The following ADAMTSL1 variants were observed in gnomAD, a reference collection of about 807,000 sequenced individuals.
The protein encoded by ADAMTSL1 is ADAMTS like 1, also known as ADAMTS-like protein 1.
In ADAMTSL1, 126 loss-of-function variants were observed where a neutral mutation model predicts 201.8. The ratio of observed to expected loss-of-function variants is 0.62; its 90% confidence interval spans 0.54 to 0.72. ADAMTSL1 has a LOEUF of 0.72. ADAMTSL1 is among the 30% of genes least tolerant of loss of function. ADAMTSL1 has a pLI of 0.00. For missense variants in ADAMTSL1, 2,679 were observed against 2,277.8 expected (o/e 1.18, Z -3.59); for synonymous variants, 1,121 against 903.4 (o/e 1.24, Z -4.32).
At chr9:18,023,242 A>C (rs1033822195) in intron 1 of ADAMTSL1, among the ~76,000 whole-genome samples, 1 of 152,088 alleles carries the variant, frequency 6.6e-6, no homozygotes, top group Non-Finnish European at 1.5e-5. Context: ...CTTAAAACAC[A>C]GATTGCTGGG....
At position 18,887,841 on chromosome 9, in the gene ADAMTSL1, C is replaced by T. The variant is rs375192155; in HGVS notation, c.4260C>T (p.Ile1420=). 1.7e-5 allele frequency: 27 copies of T among 1,613,674 alleles called. No individual in the cohort carries two copies. The highest frequency in any genetic ancestry group is 2.3e-5 in the Non-Finnish European group (27 of 1,179,818). ...TTCCTCTCCTTCTAGGCTGCCCCAT[C>T]AAAGGTCACCCTGTCCCTAATATCA... The part of the protein sequence containing the change: ...PGNSALLGCP[I]KGHPVPNITW... The change falls in exon 24 of 29, where the codon ATC becomes ATT. Residue 1420 remains isoleucine, a synonymous_variant. Transcript: ENST00000380548.
intron 1 of ADAMTSL1, among the ~76,000 whole-genome samples, chr9:18,494,270 C>A (rs1481442731): frequency 1.3e-5 from 2 of 151,290 alleles, no homozygotes; most frequent in Admixed American, 6.6e-5. Context: ...ACAGGCGAAT[C>A]GCTTGAACCC....
At chr9:17,913,779 A>G (rs950712277) in intron 1 of ADAMTSL1, among the ~76,000 whole-genome samples, 1 of 148,772 alleles carries the variant, frequency 6.7e-6, no homozygotes, top group Non-Finnish European at 1.5e-5. Context: ...CGCTAGCGAG[A>G]CTAATAAAGA....
At chr9:18,878,284 ACC>A (rs1454558848) in intron 23 of ADAMTSL1, among the ~76,000 whole-genome samples, 3 of 151,784 alleles carry the variant, frequency 2.0e-5, no homozygotes, top group African/African-American at 4.8e-5. Flanking sequence ...CTCCCTGTTA[ACC>A]CCCCTCCCCA....
intron 2 of ADAMTSL1, among the ~76,000 whole-genome samples, chr9:18,231,738 A>G (rs1361656501): frequency 2.0e-5 from 3 of 152,140 alleles, no homozygotes; most frequent in Non-Finnish European, 4.4e-5. Context: ...CGTGAGATAA[A>G]CTCTGGATCT....
chr9:18,435,447 A>G (rs1275438508), intron 2 of ADAMTSL1, among the ~76,000 whole-genome samples: 1 of 152,190 alleles, frequency 6.6e-6, no homozygotes, highest in Non-Finnish European at 1.5e-5. Flanking sequence ...ACTCACACAA[A>G]TATGTAACTG....
chr9:18,254,106 C>T (rs1831574678), intron 2 of ADAMTSL1, among the ~76,000 whole-genome samples: 1 of 152,092 alleles, frequency 6.6e-6, no homozygotes, highest in African/African-American at 2.4e-5. Context: ...TGAATTTTAC[C>T]TGAGCCACCC....
chr9:18,903,768 C>T (rs1830137653), intron 26 of ADAMTSL1, among the ~76,000 whole-genome samples: 1 of 151,894 alleles, frequency 6.6e-6, no homozygotes, highest in Non-Finnish European at 1.5e-5. Context: ...AAACTCAAGT[C>T]CTGCAGTCAA....
At chr9:18,066,828 TC>T (rs1160190459) in intron 1 of ADAMTSL1, among the ~76,000 whole-genome samples, 4 of 152,174 alleles carry the variant, frequency 2.6e-5, no homozygotes, top group Admixed American at 6.5e-5. Context: ...TGAGTTCATG[TC>T]CTTTGGAGAG....
At position 18,906,772 on chromosome 9, in the gene ADAMTSL1, C is replaced by T. The variant is rs1830332676; in HGVS notation, c.5042C>T (p.Thr1681Ile). The T allele has an allele frequency of 6.2e-7, 1 of 1,613,874 alleles. No individual in the cohort carries two copies. The highest frequency in any genetic ancestry group is 1.1e-5 in the South Asian group (1 of 91,086). ...AGCCTGTGGACCCTGTGCACAGCTA[C>T]CTGTGGCAACTACGGCTTCCAGTCC... ...RVSLWTLCTA[T>I]CGNYGFQSRR... The change falls in exon 28 of 29, where the codon ACC (threonine) becomes ATC (isoleucine). Residue 1681 changes from threonine to isoleucine, a missense_variant. Transcript: ENST00000380548.
chr9:17,950,091 TG>T (rs774106369), intron 1 of ADAMTSL1, among the ~76,000 whole-genome samples: 10 of 152,126 alleles, frequency 6.6e-5, no homozygotes, highest in Non-Finnish European at 1.2e-4. Flanking sequence ...GCTTATTTTT[TG>T]TATTTTAAGT....
intron 2 of ADAMTSL1, among the ~76,000 whole-genome samples, chr9:18,269,133 A>T (rs1563847157): frequency 6.6e-6 from 1 of 152,150 alleles, no homozygotes. Context: ...ATGATAAATA[A>T]TCCTTATGCT....
chr9:18,378,579 G>A (rs1290125642), intron 2 of ADAMTSL1, among the ~76,000 whole-genome samples: 1 of 152,072 alleles, frequency 6.6e-6, no homozygotes, highest in Non-Finnish European at 1.5e-5. Flanking sequence ...TAATTCCCCT[G>A]GCAATATCCC....
chr9:18,445,114 A>G (rs1820138568), intron 2 of ADAMTSL1, among the ~76,000 whole-genome samples: 1 of 152,172 alleles, frequency 6.6e-6, no homozygotes, highest in South Asian at 2.1e-4. Flanking sequence ...AAATGTACAC[A>G]TTAACTTACC....
At chr9:18,639,135 G>T (rs1827284343) in intron 6 of ADAMTSL1, 119 bp from the exon 7 acceptor site, 2 of 918,010 alleles carry the variant, frequency 2.2e-6, no homozygotes, top group African/African-American at 3.4e-5. Flanking sequence ...AATTTTGTCA[G>T]CTATATAAAG....
chr9:18,688,355 T>C (rs1053143790), intron 13 of ADAMTSL1, among the ~76,000 whole-genome samples: 44 of 151,572 alleles, frequency 2.9e-4, no homozygotes, highest in Admixed American at 1.9e-3. Flanking sequence ...TTTGAACTCC[T>C]GACCTCAGGT....
At chr9:18,648,225 T>C (rs200402977) in intron 7 of ADAMTSL1, among the ~76,000 whole-genome samples, 9,629 of 136,828 alleles carry the variant, frequency 0.07, 564 homozygotes, top group Admixed American at 0.11. Context: ...CCTTTTTTTG[T>C]TTTCCATTTG....
At chr9:18,429,263 T>G (rs1819374274) in intron 2 of ADAMTSL1, among the ~76,000 whole-genome samples, 1 of 152,222 alleles carries the variant, frequency 6.6e-6, no homozygotes, top group African/African-American at 2.4e-5. Flanking sequence ...TTAGTCAATC[T>G]GAATATGACT....
chr9:18,775,904 TG>T lies in ADAMTSL1; in HGVS notation c.2551+9del. 1 of 1,585,912 alleles carries T rather than the reference TG, an allele frequency of 6.3e-7. No homozygotes were observed. The highest frequency in any genetic ancestry group is 8.6e-7 in the Non-Finnish European group (1 of 1,165,084). Reference sequence around the variant, plus strand: ...TGCTGGCAACCTGTGCAAGTAAGTATGTCAGGGCTCTGGGAATGGGGAGATG... The same window carrying T: ...TGCTGGCAACCTGTGCAAGTAAGTATTCAGGGCTCTGGGAATGGGGAGATG... On this transcript the variant is annotated intron_variant, in intron 18 of 28. Transcript: ENST00000380548.
Sources: allele counts gnomAD v4.1 joint callset (sites outside exome capture counted in the v4.1 genomes callset), GRCh38; gene constraint gnomAD v4.1.1; transcripts MANE v1.5; gene names NCBI Gene and HGNC (gene_info 2026-07-23, HGNC 2026-07-21).